CNTNAP2: variants seen among roughly 807,000 people sequenced by gnomAD.
CNTNAP2 encodes the protein contactin associated protein 2.
A neutral mutation model predicts 155.2 loss-of-function variants in CNTNAP2; 98 were observed. That is an observed-to-expected ratio of 0.63 (90% confidence interval 0.54 to 0.75). CNTNAP2 has a LOEUF of 0.75. Ranked by LOEUF, CNTNAP2 falls within the 30% of genes least tolerant of loss-of-function variation. The pLI is 0.00. For synonymous variants in CNTNAP2, 651 were observed against 631.2 expected, an observed-to-expected ratio of 1.03 and a Z score of -0.47; for missense variants, 1,727 against 1,688.1, an observed-to-expected ratio of 1.02 and a Z score of -0.40.
intron 1 of CNTNAP2, among the ~76,000 whole-genome samples, chr7:146,184,694 A>G (rs1798598013): frequency 1.3e-5 from 2 of 152,160 alleles, no homozygotes. Flanking sequence ...GTTGCTGAAT[A>G]TTTTACAAAG....
chr7:147,974,311 T>C (rs998376146), intron 14 of CNTNAP2, among the ~76,000 whole-genome samples: 1 of 152,132 alleles, frequency 6.6e-6, no homozygotes, highest in East Asian at 1.9e-4. Flanking sequence ...ACTCATCATA[T>C]ATAAACCAAC....
chr7:148,314,828 G>T (rs956176412), intron 21 of CNTNAP2, among the ~76,000 whole-genome samples: 2 of 152,206 alleles, frequency 1.3e-5, no homozygotes, highest in South Asian at 2.1e-4. Flanking sequence ...AATCAGGCAG[G>T]CGTCCCCATG....
chr7:146,547,164 T>C (rs1798041789), intron 1 of CNTNAP2, among the ~76,000 whole-genome samples: 1 of 151,978 alleles, frequency 6.6e-6, no homozygotes, highest in African/African-American at 2.4e-5. Context: ...ATGGCATCTT[T>C]GTTTTGCATA....
intron 1 of CNTNAP2, among the ~76,000 whole-genome samples, chr7:146,675,056 C>A (rs1032903711): frequency 6.6e-5 from 10 of 152,048 alleles, no homozygotes; most frequent in Non-Finnish European, 1.0e-4. Flanking sequence ...TCTCTTTCAC[C>A]CCAACCAACA....
chr7:147,652,092 G>C (rs1161836652), intron 13 of CNTNAP2, among the ~76,000 whole-genome samples: 1 of 152,164 alleles, frequency 6.6e-6, no homozygotes, highest in African/African-American at 2.4e-5. Flanking sequence ...TTTTATTTCA[G>C]AGACTGTATC....
chr7:147,865,724 T>C (rs912388965), intron 13 of CNTNAP2, among the ~76,000 whole-genome samples: 1 of 152,250 alleles, frequency 6.6e-6, no homozygotes, highest in African/African-American at 2.4e-5. Flanking sequence ...TAGAAGTGTT[T>C]ATAGTATTCG....
chr7:147,870,873 G>A (rs547556794), intron 13 of CNTNAP2, among the ~76,000 whole-genome samples: 9 of 152,154 alleles, frequency 5.9e-5, no homozygotes, highest in African/African-American at 1.2e-4. Flanking sequence ...GCTTACCTCC[G>A]TGGTCTGAGG....
intron 21 of CNTNAP2, among the ~76,000 whole-genome samples, chr7:148,334,693 C>G (rs1462747601): frequency 2.0e-5 from 3 of 152,178 alleles, no homozygotes; most frequent in African/African-American, 7.2e-5. Context: ...CACACCTTTG[C>G]CAGGCCCCAG....
chr7:147,211,555 G>A (rs939586308), intron 8 of CNTNAP2, among the ~76,000 whole-genome samples: 7 of 151,900 alleles, frequency 4.6e-5, no homozygotes, highest in Non-Finnish European at 1.0e-4. Flanking sequence ...CAAAAAATTA[G>A]GAATGGAGAA....
chr7:146,169,867 A>G (rs1798363803), intron 1 of CNTNAP2, among the ~76,000 whole-genome samples: 1 of 151,514 alleles, frequency 6.6e-6, no homozygotes, highest in Non-Finnish European at 1.5e-5. Context: ...TTATTCGTGG[A>G]TAGGTACCTA....
At chr7:147,521,148 A>G (rs921781830) in intron 11 of CNTNAP2, among the ~76,000 whole-genome samples, 2 of 152,130 alleles carry the variant, frequency 1.3e-5, no homozygotes, top group African/African-American at 2.4e-5. Flanking sequence ...TGTCTCTCCT[A>G]TGTTAACCCT....
intron 3 of CNTNAP2, among the ~76,000 whole-genome samples, chr7:146,872,407 T>C (rs1795332037): frequency 6.6e-6 from 1 of 152,192 alleles, no homozygotes; most frequent in South Asian, 2.1e-4. Context: ...ATGCTGCACT[T>C]TATGCTTACT....
rs189875268 is a variant in CNTNAP2 at position 148,295,771 on chromosome 7, A to G, written c.3475+28645A>G. On this transcript the variant is annotated intron_variant, in intron 21 of 23. Coordinates refer to ENST00000361727, the MANE Select transcript of CNTNAP2 (RefSeq NM_014141.6). Reference sequence around the variant, plus strand: ...CTCCCAAAGTGCTGGGATTCCAGACATGAGCCAACGCGCCCGGCCTCAATT... The same window carrying G: ...CTCCCAAAGTGCTGGGATTCCAGACGTGAGCCAACGCGCCCGGCCTCAATT... Among the ~76,000 whole-genome samples the G allele has an allele frequency of 2.2e-3, 334 of 152,200 alleles. 3 individuals carry two copies. Among genetic ancestry groups the G allele is most frequent in the African/African-American group, 7.6e-3 (315 of 41,514 alleles).
At chr7:147,822,938 TACAGAAAA>T (rs1356380215) in intron 13 of CNTNAP2, among the ~76,000 whole-genome samples, 1 of 152,212 alleles carries the variant, frequency 6.6e-6, no homozygotes, top group African/African-American at 2.4e-5. Context: ...CAAGGGTTGG[TACAGAAAA>T]TATCATTTTA....
At chr7:148,206,738 C>T (rs1795456819) in intron 18 of CNTNAP2, among the ~76,000 whole-genome samples, 1 of 152,214 alleles carries the variant, frequency 6.6e-6, no homozygotes, top group African/African-American at 2.4e-5. Flanking sequence ...TTTCCAAAAA[C>T]ATAGCCTAGG....
At chr7:147,411,398 G>A (rs1054869153) in intron 10 of CNTNAP2, among the ~76,000 whole-genome samples, 2 of 152,012 alleles carry the variant, frequency 1.3e-5, no homozygotes, top group African/African-American at 4.8e-5. Context: ...TGAAAGTTTG[G>A]GTCTCAGTAA....
intron 1 of CNTNAP2, among the ~76,000 whole-genome samples, chr7:146,454,464 A>G (rs13228678): frequency 6.6e-6 from 1 of 151,882 alleles, no homozygotes; most frequent in Non-Finnish European, 1.5e-5. Context: ...ACCTTTTAAA[A>G]TTTTTACTGT....
At chr7:146,367,194 A>G (rs1266202734) in intron 1 of CNTNAP2, among the ~76,000 whole-genome samples, 1 of 152,154 alleles carries the variant, frequency 6.6e-6, no homozygotes, top group East Asian at 1.9e-4. Context: ...AAAGTACTGT[A>G]TTGACACACA....
chr7:146,235,091 A>G (rs1799449649), intron 1 of CNTNAP2, among the ~76,000 whole-genome samples: 1 of 152,196 alleles, frequency 6.6e-6, no homozygotes, highest in South Asian at 2.1e-4. Flanking sequence ...AAGGCATGTT[A>G]TTTTACTGAG....
Sources: allele counts gnomAD v4.1 joint callset (sites outside exome capture counted in the v4.1 genomes callset), GRCh38; gene constraint gnomAD v4.1.1; transcripts MANE v1.5; gene names NCBI Gene and HGNC (gene_info 2026-07-23, HGNC 2026-07-21).